Variants in AKR1B15 observed in about 807,000 individuals in gnomAD.
AKR1B15 encodes estradiol 17-beta-dehydrogenase AKR1B15.
AKR1B15 carries 49 observed loss-of-function variants against 38.5 expected under a neutral mutation model. That is an observed-to-expected ratio of 1.27 (90% CI 1.01 to 1.62). The LOEUF is 1.62. Ranked by LOEUF, AKR1B15 falls within the 40% of genes most tolerant of loss-of-function variation. The pLI is 0.00. For synonymous variants in AKR1B15, 137 were observed against 135.5 expected (o/e 1.01, Z -0.08); for missense variants, 411 against 381.6 (o/e 1.08, Z -0.64).
intron 6 of AKR1B15, among the ~76,000 whole-genome samples, chr7:134,575,133 A>T (rs1009742273): frequency 4.6e-5 from 7 of 152,128 alleles, no homozygotes; most frequent in African/African-American, 1.7e-4. Flanking sequence ...TCCATGGTGT[A>T]TGGAACTATA....
intron 1 of AKR1B15, among the ~76,000 whole-genome samples, chr7:134,552,468 C>T (rs1380223905): frequency 6.6e-6 from 1 of 152,140 alleles, no homozygotes; most frequent in Non-Finnish European, 1.5e-5. Flanking sequence ...CAAACAATAT[C>T]CTATGATTCT....
chr7:134,568,738 A>G (rs749054220), intron 4 of AKR1B15, among the ~76,000 whole-genome samples: 8 of 152,140 alleles, frequency 5.3e-5, no homozygotes, highest in Non-Finnish European at 7.4e-5. Flanking sequence ...GCACTTTTCT[A>G]TTATCACATG....
At chr7:134,566,679 T>C (rs1794542514) in intron 3 of AKR1B15, among the ~76,000 whole-genome samples, 1 of 152,146 alleles carries the variant, frequency 6.6e-6, no homozygotes, top group African/African-American at 2.4e-5. Context: ...ATTTCCCTGC[T>C]CAGACTTCTG....
intron 1 of AKR1B15, among the ~76,000 whole-genome samples, chr7:134,555,311 GGACT>G (rs1414596522): frequency 6.6e-6 from 1 of 151,954 alleles, no homozygotes; most frequent in Non-Finnish European, 1.5e-5. Context: ...CCAGAAAAAA[GGACT>G]GACTCCTGCC....
chr7:134,565,431 C>T, intron 3 of AKR1B15: 1 of 1,611,428 alleles, frequency 6.2e-7, no homozygotes, highest in Non-Finnish European at 8.5e-7. Flanking sequence ...CTGGACACAG[C>T]AGGACGTGAG....
intron 1 of AKR1B15, among the ~76,000 whole-genome samples, chr7:134,555,259 C>G (rs1794152220): frequency 6.6e-6 from 1 of 151,974 alleles, no homozygotes; most frequent in African/African-American, 2.4e-5. Context: ...CTGGGCCCTG[C>G]CACTCTTTCC....
chr7:134,571,034 G>T (rs1286504730), intron 5 of AKR1B15, among the ~76,000 whole-genome samples: 3 of 152,170 alleles, frequency 2.0e-5, no homozygotes, highest in Non-Finnish European at 4.4e-5. Flanking sequence ...TTGGAGAAAA[G>T]TCCAAGTATG....
At chr7:134,556,903 T>C (rs1794215666) in intron 2 of AKR1B15, 44 bp downstream of exon 2, 1 of 152,132 alleles carries the variant, frequency 6.6e-6, no homozygotes, top group Admixed American at 6.6e-5. Context: ...ATAAATATAC[T>C]ACATGCCCAG....
In AKR1B15 at chr7:134,579,721, T is replaced by C. The variant is rs542339165; in HGVS notation, c.*172T>C. 1 of 549,676 alleles carries C rather than the reference T, an allele frequency of 1.8e-6. No homozygotes were observed. The highest frequency in any genetic ancestry group is 3.3e-5 in the South Asian group (1 of 30,290). The allele number at this position is 549,676 out of a possible 1,614,324, so 34.0% of individuals were successfully genotyped here. A position where few individuals can be genotyped will look rare whatever the true frequency, so the allele number is the denominator to read the frequency against. On this transcript the variant is annotated 3_prime_UTR_variant, in exon 12 of 12. Transcript: ENST00000457545. ...AGACATGTATTTCTGTATGTTCAACTAGGATAAGAATATCACAGAAAAGCA... is the reference window on the plus strand; with the variant it reads ...AGACATGTATTTCTGTATGTTCAACCAGGATAAGAATATCACAGAAAAGCA...
At chr7:134,574,283 C>T (rs1042938807) in intron 6 of AKR1B15, among the ~76,000 whole-genome samples, 2 of 152,182 alleles carry the variant, frequency 1.3e-5, no homozygotes, top group African/African-American at 2.4e-5. Flanking sequence ...CATGCTCATC[C>T]CTGCCTCTGA....
chr7:134,549,151 G>C lies in AKR1B15; in HGVS notation c.-245G>C, dbSNP rs567155781. ...TACAGGGCCACCTGAAGACGTTCCA[G>C]GGCTCCACAGGCCACTGTCTTCTGG... is the stretch of plus-strand genomic sequence containing the variant. On this transcript the variant is annotated 5_prime_UTR_variant, in exon 1 of 12. Coordinates refer to ENST00000457545, the MANE Select transcript of AKR1B15 (RefSeq NM_001080538.3). 184 of 152,568 alleles carry C rather than the reference G, an allele frequency of 1.2e-3. No individual in the cohort carries two copies. The highest frequency in any genetic ancestry group is 1.8e-3 in the Non-Finnish European group (125 of 68,062). 9.5% of individuals were successfully genotyped at this position (152,568 alleles called of 1,614,324 possible). A position where few individuals can be genotyped will look rare whatever the true frequency, so the allele number is the denominator to read the frequency against.
chr7:134,569,413 G>T lies in AKR1B15; in HGVS notation c.319G>T (p.Val107Leu), dbSNP rs373928139. The T allele has an allele frequency of 9.9e-6, 16 of 1,613,902 alleles. No homozygotes were observed. Among genetic ancestry groups the T allele is most frequent in the Middle Eastern group, 1.6e-4 (1 of 6,082 alleles). Residue 107 changes from valine (V) to leucine (L), a missense_variant and splice_region_variant, in exon 5 of 12, where the codon GTG becomes TTG. Transcript: ENST00000457545. The part of the protein sequence containing the change: ...MREDLFIVSK[V>L]WPTFFERPLV... Reference sequence around the variant, plus strand: ...TAGCTCATTGCTACACTCTTTGCAGGTGTGGCCCACTTTCTTTGAGAGACC... The same window carrying T: ...TAGCTCATTGCTACACTCTTTGCAGTTGTGGCCCACTTTCTTTGAGAGACC...
chr7:134,561,487 G>GTCTC (rs1794390252), intron 2 of AKR1B15, among the ~76,000 whole-genome samples: 1 of 152,218 alleles, frequency 6.6e-6, no homozygotes, highest in Non-Finnish European at 1.5e-5. Context: ...GATTACAGGT[G>GTCTC]TGAGACACCA....
intron 2 of AKR1B15, among the ~76,000 whole-genome samples, chr7:134,562,840 TTCTTTCTTTC>T (rs1157377861): frequency 6.3e-5 from 3 of 47,588 alleles, no homozygotes; most frequent in Non-Finnish European, 1.4e-4. Context: ...TTCTCTTTCT[TTCTTTCTTTC>T]TTTCTTTCTT....
chr7:134,569,864 C>G (rs559142211), intron 5 of AKR1B15: 1 of 252,494 alleles, frequency 4.0e-6, no homozygotes, highest in South Asian at 5.0e-5. Context: ...GTGATGATTG[C>G]ATTAACTGCA....
Position 134,579,700 on chromosome 7 carries a change from A to G in AKR1B15, c.*151A>G. ...CCAGAATGGAGGTGCTGTTTTAGAC[A>G]TGTATTTCTGTATGTTCAACTAGGA... On this transcript the variant is annotated 3_prime_UTR_variant, in exon 12 of 12. Transcript: ENST00000457545. 1 of 614,894 alleles carries G rather than the reference A, an allele frequency of 1.6e-6. No homozygotes were observed. Among genetic ancestry groups the G allele is most frequent in the Non-Finnish European group, 2.7e-6 (1 of 371,032 alleles). 38.1% of individuals were successfully genotyped at this position (614,894 alleles called of 1,614,324 possible).
At position 134,569,529 on chromosome 7, in the gene AKR1B15, G is replaced by A. The variant is rs769694788; in HGVS notation, c.435G>A (p.Lys145=). 3 of 1,613,944 alleles carry A rather than the reference G, an allele frequency of 1.9e-6. No individual in the cohort carries two copies. In the East Asian group the frequency reaches 6.7e-5, roughly 36 times the overall value. ...TTATTCACTGGCCACAGGGATTCAA[G>A]GTTTGAGTGACTCCCTTTCTCAGCC... The part of the protein sequence containing the change: ...VYLIHWPQGF[K]TGDDFFPKDD... The change falls in exon 5 of 12, where the codon AAG becomes AAA. Residue 145 remains lysine (K), a splice_region_variant and synonymous_variant. Transcript: ENST00000457545.
At chr7:134,568,442 C>A (rs1429470358) in intron 4 of AKR1B15, 117 bp downstream of exon 4, 2 of 1,415,048 alleles carry the variant, frequency 1.4e-6, no homozygotes, top group Non-Finnish European at 1.9e-6. Flanking sequence ...TTCATCTCTG[C>A]CTTGATAACA....
Position 134,575,531 on chromosome 7 carries a change from G to T in AKR1B15, c.625G>T (p.Val209Leu), listed in dbSNP as rs914004150. ...CAAACCTGGACTGAAATATAAACCA[G>T]TGACTAACCAGGTAAATTCTATTCA... ...LNKPGLKYKP[V>L]TNQVECHPYL... Residue 209 changes from valine to leucine, a missense_variant, in exon 7 of 12, where the codon GTG (valine) becomes TTG (leucine). Physicochemically the swap from Val to Leu is conservative, Grantham distance 32. Transcript: ENST00000457545. 1.2e-6 allele frequency: 2 copies of T among 1,613,714 alleles called. No homozygotes were observed. The highest frequency in any genetic ancestry group is 1.7e-6 in the Non-Finnish European group (2 of 1,179,816).
Sources: gnomAD v4.1 joint callset for allele counts (sites outside exome capture counted in the v4.1 genomes callset) on GRCh38, gnomAD v4.1.1 for gene constraint, MANE v1.5 for transcripts, NCBI Gene and HGNC (gene_info 2026-07-23, HGNC 2026-07-21) for gene names.